UIMC1: variants seen among roughly 807,000 people sequenced by gnomAD.
UIMC1 encodes ubiquitin interaction motif containing 1, also known as BRCA1-A complex subunit RAP80.
Under a neutral mutation model 84.9 loss-of-function variants are expected in UIMC1, and 42 were observed. The observed-to-expected ratio is 0.49, with a 90% CI of 0.39 to 0.64. UIMC1 has a LOEUF of 0.64. UIMC1 is among the 30% of genes least tolerant of loss of function. The pLI, the probability that UIMC1 is intolerant of heterozygous loss-of-function variation, is 0.00. For missense variants in UIMC1, 825 were observed against 847.6 expected (o/e 0.97, Z 0.33); for synonymous variants, 281 against 293.0 (o/e 0.96, Z 0.42).
At chr5:176,963,193 A>G (rs1767802803) in intron 6 of UIMC1, among the ~76,000 whole-genome samples, 1 of 150,044 alleles carries the variant, frequency 6.7e-6, no homozygotes, top group Admixed American at 6.7e-5. Flanking sequence ...AAAAATTCAA[A>G]GAATTATTAT....
intron 11 of UIMC1, among the ~76,000 whole-genome samples, chr5:176,909,228 G>A (rs1161359528): frequency 6.6e-6 from 1 of 152,138 alleles, no homozygotes; most frequent in Non-Finnish European, 1.5e-5. Context: ...TTCTGCCAGA[G>A]GCTTTTGCGT....
At chr5:177,003,586 G>C (rs770445868) in intron 1 of UIMC1, among the ~76,000 whole-genome samples, 21 of 152,196 alleles carry the variant, frequency 1.4e-4, no homozygotes, top group South Asian at 6.2e-4. Flanking sequence ...CCGGGAAGCA[G>C]AGATTGCAGT....
At chr5:176,918,846 C>T (rs1227836676) in intron 10 of UIMC1, among the ~76,000 whole-genome samples, 1 of 152,170 alleles carries the variant, frequency 6.6e-6, no homozygotes, top group African/African-American at 2.4e-5. Flanking sequence ...AAATACAGCC[C>T]TCCTACTTAT....
chr5:176,984,588 T>C (rs953657884), intron 1 of UIMC1, among the ~76,000 whole-genome samples: 8 of 151,570 alleles, frequency 5.3e-5, no homozygotes, highest in Admixed American at 4.6e-4. Flanking sequence ...ACCCAACAGC[T>C]CCGAAGAGAC....
intron 11 of UIMC1, among the ~76,000 whole-genome samples, 191 bp downstream of exon 11, chr5:176,911,120 G>A (rs1385309642): frequency 2.8e-5 from 1 of 36,334 alleles, no homozygotes; most frequent in Non-Finnish European, 4.6e-5. Context: ...GAGAAGAAAA[G>A]AAAAGAAAAG....
rs796154620 is a variant in UIMC1, at chr5:176,988,151, A to C, written c.-8-5528T>G. Among the ~76,000 whole-genome samples, 31 of 141,516 alleles carry C rather than the reference A, an allele frequency of 2.2e-4. 1 individual carries two copies. The highest frequency in any genetic ancestry group is 5.3e-4 in the African/African-American group (20 of 37,508). 92.8% of individuals were successfully genotyped at this position (141,516 alleles called of 152,430 possible). A position where few individuals can be genotyped will look rare whatever the true frequency, so the allele number is the denominator to read the frequency against. On this transcript the variant is annotated intron_variant, in intron 1 of 14. Transcript: ENST00000511320. ...TGTCCAAAAAAAAAAAAAAAAAAAA[A>C]CTCAAATCATTAATCATGAGGGAAA...
At chr5:177,008,656 A>G (rs1775476635), upstream of UIMC1, among the ~76,000 whole-genome samples, 1 of 152,180 alleles carries the variant, frequency 6.6e-6, no homozygotes, top group South Asian at 2.1e-4. Flanking sequence ...AGCCTATGGC[A>G]GGCAGCCTGT....
chr5:176,974,952 G>C (rs1036113082), intron 3 of UIMC1, among the ~76,000 whole-genome samples: 1 of 152,038 alleles, frequency 6.6e-6, no homozygotes, highest in African/African-American at 2.4e-5. Flanking sequence ...CCAGGAGTTT[G>C]AGATGAGCCT....
At chr5:176,921,794 T>C (rs915931943) in intron 10 of UIMC1, among the ~76,000 whole-genome samples, 29 of 152,170 alleles carry the variant, frequency 1.9e-4, no homozygotes, top group African/African-American at 5.5e-4. Context: ...CATCCCTCTA[T>C]AGATTATTTT....
chr5:176,947,098 T>C (rs911594986), intron 9 of UIMC1, among the ~76,000 whole-genome samples: 1 of 152,184 alleles, frequency 6.6e-6, no homozygotes, highest in African/African-American at 2.4e-5. Context: ...TAACTATTAA[T>C]GTATTCAAGA....
intron 1 of UIMC1, among the ~76,000 whole-genome samples, chr5:177,016,547 T>G (rs1775673952): frequency 6.8e-6 from 1 of 147,120 alleles, no homozygotes. Context: ...AAAAATTAGC[T>G]GGGTGTGGTG....
In UIMC1 at chr5:176,908,564, T is replaced by C. The variant is rs142545546; in HGVS notation, c.1807A>G (p.Thr603Ala). Residue 603 changes from threonine (T) to alanine (A), a missense_variant, in exon 12 of 15, where the codon ACT becomes GCT. Physicochemically the swap from Thr to Ala is moderately conservative, Grantham distance 58. Coordinates refer to ENST00000511320, the MANE Select transcript of UIMC1 (RefSeq NM_001199298.2). ...GPEGSGRACSTVEGKWQQRLK... is the reference protein window; with the variant it reads ...GPEGSGRACSAVEGKWQQRLK... ...CTCTGCTGCCACTTCCCCTCCACAG[T>C]TGAACATGCTCTTCCACTCCCTTCA... The C allele has an allele frequency of 1.3e-4, 207 of 1,614,092 alleles. No homozygotes were observed. Among genetic ancestry groups the C allele is most frequent in the African/African-American group, 1.1e-3 (84 of 75,040 alleles).
intron 10 of UIMC1, among the ~76,000 whole-genome samples, chr5:176,939,402 G>C (rs1232622640): frequency 6.6e-6 from 1 of 152,154 alleles, no homozygotes; most frequent in East Asian, 1.9e-4. Flanking sequence ...ATGTAGTACA[G>C]TCATGTGCCA....
intron 6 of UIMC1, among the ~76,000 whole-genome samples, chr5:176,959,589 G>A (rs1767057532): frequency 6.6e-6 from 1 of 151,540 alleles, no homozygotes; most frequent in Non-Finnish European, 1.5e-5. Context: ...AGTGGCAGGC[G>A]CCTGTAGTCC....
intron 10 of UIMC1, among the ~76,000 whole-genome samples, chr5:176,925,644 A>G (rs1472019680): frequency 2.0e-5 from 3 of 152,204 alleles, no homozygotes; most frequent in Non-Finnish European, 4.4e-5. Flanking sequence ...TCAATCTCAA[A>G]AACATTATGC....
intron 1 of UIMC1, among the ~76,000 whole-genome samples, chr5:176,992,254 T>C (rs902549508): frequency 2.6e-5 from 4 of 152,204 alleles, no homozygotes; most frequent in Non-Finnish European, 5.9e-5. Flanking sequence ...ATTGGTTTTT[T>C]CTGTATCTTC....
chr5:177,003,111 T>TA (rs905589356), intron 1 of UIMC1, among the ~76,000 whole-genome samples: 1 of 151,766 alleles, frequency 6.6e-6, no homozygotes, highest in Non-Finnish European at 1.5e-5. Flanking sequence ...AAATTAAAGG[T>TA]AAAAAAAATT....
At chr5:176,938,280 A>C (rs1300399420) in intron 10 of UIMC1, among the ~76,000 whole-genome samples, 3 of 151,916 alleles carry the variant, frequency 2.0e-5, no homozygotes, top group Non-Finnish European at 4.4e-5. Flanking sequence ...AGATTTTAAA[A>C]CTAGGTTGGG....
chr5:176,921,406 T>C (rs1017835347), intron 10 of UIMC1, among the ~76,000 whole-genome samples: 1 of 152,260 alleles, frequency 6.6e-6, no homozygotes, highest in African/African-American at 2.4e-5. Flanking sequence ...CATAAGGTTA[T>C]TTCTAGACTT....
Sources: gnomAD v4.1 joint callset for allele counts (sites outside exome capture counted in the v4.1 genomes callset) on GRCh38, gnomAD v4.1.1 for gene constraint, MANE v1.5 for transcripts, NCBI Gene and HGNC (gene_info 2026-07-23, HGNC 2026-07-21) for gene names.